GRID1: variants seen among roughly 807,000 people sequenced by gnomAD.
GRID1 encodes the protein glutamate ionotropic receptor delta type subunit 1.
A neutral mutation model predicts 98.0 loss-of-function variants in GRID1; 28 were observed. The observed-to-expected ratio is 0.29, with a 90% CI of 0.21 to 0.39. GRID1 has a LOEUF of 0.39. Ranked by LOEUF, GRID1 falls within the 10% of genes least tolerant of loss-of-function variation. The pLI is 1.00. For synonymous variants in GRID1, 553 were observed against 538.5 expected, an observed-to-expected ratio of 1.03 and a Z score of -0.37; for missense variants, 1,111 against 1,340.5, an observed-to-expected ratio of 0.83 and a Z score of 2.67.
chr10:86,139,442 C>A (rs1844980307), intron 3 of GRID1, among the ~76,000 whole-genome samples: 1 of 152,212 alleles, frequency 6.6e-6, no homozygotes, highest in East Asian at 1.9e-4. Flanking sequence ...CCAACCATGG[C>A]CAGCTGAGGC....
At chr10:86,171,239 T>C (rs1236848635) in intron 3 of GRID1, among the ~76,000 whole-genome samples, 1 of 152,202 alleles carries the variant, frequency 6.6e-6, no homozygotes, top group Non-Finnish European at 1.5e-5. Flanking sequence ...CTCATCCTTC[T>C]CAAGCTCAAG....
intron 4 of GRID1, among the ~76,000 whole-genome samples, chr10:85,994,107 G>A (rs1159942964): frequency 2.6e-5 from 4 of 152,162 alleles, no homozygotes; most frequent in East Asian, 1.9e-4. Context: ...AGCTGCAAAC[G>A]GCTTTGATTT....
chr10:85,701,616 C>T (rs1393312887), intron 12 of GRID1, among the ~76,000 whole-genome samples: 2 of 152,216 alleles, frequency 1.3e-5, no homozygotes, highest in Middle Eastern at 3.4e-3. Flanking sequence ...TCCAGATGTA[C>T]TATTAGGAAA....
In GRID1 at chr10:85,791,180, C is replaced by T. The variant is rs141022340; in HGVS notation, c.1234-61566G>A. Among the ~76,000 whole-genome samples the T allele has an allele frequency of 3.8e-3, 580 of 152,276 alleles. 6 individuals are homozygous for T. The highest frequency in any genetic ancestry group is 0.012 in the African/African-American group (515 of 41,544). On this transcript the variant is annotated intron_variant, in intron 8 of 15. Coordinates refer to ENST00000327946, the MANE Select transcript of GRID1 (RefSeq NM_017551.3). ...AAGAGCATTTCAGGGAGCCCACAGA[C>T]GACGTGACTGAGTCCAGGTTGGCCC...
intron 4 of GRID1, among the ~76,000 whole-genome samples, chr10:85,983,347 C>T (rs1040598476): frequency 6.6e-6 from 1 of 152,212 alleles, no homozygotes; most frequent in Non-Finnish European, 1.5e-5. Context: ...GGCACATGTG[C>T]AGATTTATCT....
At chr10:85,807,356 TAA>T (rs538214395) in intron 8 of GRID1, among the ~76,000 whole-genome samples, 5 of 109,680 alleles carry the variant, frequency 4.6e-5, no homozygotes, top group Admixed American at 9.2e-5. Context: ...TCTCCTCAAA[TAA>T]AAAAAAAAAA....
intron 2 of GRID1, among the ~76,000 whole-genome samples, chr10:86,355,558 C>T (rs549555873): frequency 2.6e-5 from 4 of 152,360 alleles, no homozygotes; most frequent in South Asian, 4.1e-4. Context: ...ACACTGCCTA[C>T]AGCTTGGACC....
chr10:86,297,999 C>T (rs935505796), intron 2 of GRID1, among the ~76,000 whole-genome samples: 2 of 152,184 alleles, frequency 1.3e-5, no homozygotes, highest in African/African-American at 2.4e-5. Flanking sequence ...AGCAATTTGG[C>T]GTTACCATTG....
intron 2 of GRID1, among the ~76,000 whole-genome samples, chr10:86,306,313 C>T (rs1479845883): frequency 1.3e-5 from 2 of 152,234 alleles, no homozygotes; most frequent in Non-Finnish European, 2.9e-5. Context: ...TATTCATGGG[C>T]TCTGGTGGCT....
At chr10:86,205,615 G>T (rs113950364) in intron 3 of GRID1, among the ~76,000 whole-genome samples, 17 of 152,226 alleles carry the variant, frequency 1.1e-4, no homozygotes, top group African/African-American at 4.1e-4. Context: ...TCCCTAGGTT[G>T]CTCCTTATAA....
chr10:85,652,376 G>A (rs1174706196), intron 12 of GRID1, among the ~76,000 whole-genome samples: 1 of 152,232 alleles, frequency 6.6e-6, no homozygotes, highest in African/African-American at 2.4e-5. Flanking sequence ...TGTAACAAGA[G>A]CAGAATCAAT....
chr10:85,912,004 G>T (rs1250801891), intron 5 of GRID1, among the ~76,000 whole-genome samples: 2 of 152,202 alleles, frequency 1.3e-5, no homozygotes, highest in African/African-American at 4.8e-5. Context: ...TGTTGCCTTT[G>T]TCTTTTCTCT....
At chr10:86,140,630 G>A (rs1409781147) in intron 3 of GRID1, among the ~76,000 whole-genome samples, 1 of 152,126 alleles carries the variant, frequency 6.6e-6, no homozygotes, top group African/African-American at 2.4e-5. Flanking sequence ...TGTGCACAGG[G>A]CCCCCCTTAC....
chr10:86,106,890 G>T (rs914499103), intron 4 of GRID1, among the ~76,000 whole-genome samples: 4 of 152,104 alleles, frequency 2.6e-5, no homozygotes, highest in South Asian at 2.1e-4. Context: ...GAGCCCAGGG[G>T]TGAAGAGGAA....
At chr10:85,712,616 T>C (rs1841594509) in intron 12 of GRID1, among the ~76,000 whole-genome samples, 1 of 151,828 alleles carries the variant, frequency 6.6e-6, no homozygotes, top group African/African-American at 2.4e-5. Flanking sequence ...AACCACAGAA[T>C]ACACATTCTT....
intron 4 of GRID1, among the ~76,000 whole-genome samples, chr10:86,094,623 T>C (rs556877769): frequency 9.2e-5 from 14 of 151,540 alleles, no homozygotes; most frequent in African/African-American, 3.4e-4. Flanking sequence ...AATAAAATAC[T>C]GAGGAATATA....
chr10:86,106,426 TC>T (rs1410598837), intron 4 of GRID1, among the ~76,000 whole-genome samples: 1 of 151,882 alleles, frequency 6.6e-6, no homozygotes, highest in Non-Finnish European at 1.5e-5. Context: ...GGGGCCAGCT[TC>T]AGGTGTGGGA....
chr10:85,954,238 G>A (rs1842161705), intron 4 of GRID1, among the ~76,000 whole-genome samples: 1 of 152,134 alleles, frequency 6.6e-6, no homozygotes, highest in Admixed American at 6.5e-5. Flanking sequence ...ACAGGAGGAT[G>A]GCAATAGAGG....
intron 8 of GRID1, among the ~76,000 whole-genome samples, chr10:85,814,630 A>G (rs1295900037): frequency 6.6e-6 from 1 of 151,956 alleles, no homozygotes; most frequent in African/African-American, 2.4e-5. Flanking sequence ...CTTTTAAATG[A>G]TATTAACGGA....
Sources: gnomAD v4.1 joint callset for allele counts (sites outside exome capture counted in the v4.1 genomes callset) on GRCh38, gnomAD v4.1.1 for gene constraint, MANE v1.5 for transcripts, NCBI Gene and HGNC (gene_info 2026-07-23, HGNC 2026-07-21) for gene names.